The following ZC2HC1B variants were observed in gnomAD, a reference collection of about 807,000 sequenced individuals.
ZC2HC1B encodes the protein zinc finger C2HC domain-containing protein 1B.
Under a neutral mutation model 31.0 loss-of-function variants are expected in ZC2HC1B, and 36 were observed. The observed-to-expected ratio is 1.16, with a 90% CI of 0.89 to 1.54. The LOEUF is 1.54. Ranked by LOEUF, ZC2HC1B falls within the 40% of genes most tolerant of loss-of-function variation. The pLI is 0.00. For missense variants in ZC2HC1B, 260 were observed against 268.6 expected (o/e 0.97, Z 0.22); for synonymous variants, 73 against 88.0 (o/e 0.83, Z 0.95).
Position 143,886,214 on chromosome 6 carries a change from TG to T in ZC2HC1B, c.210+66del. On this transcript the variant is annotated intron_variant, in intron 3 of 7. Coordinates refer to ENST00000237275, the MANE Select transcript of ZC2HC1B (RefSeq NM_001013623.3). The surrounding 1 kb of genome is among the most constrained non-coding windows in gnomAD (Gnocchi z 4.2). ...TCTGCGGTACTGTAAGGCCTATTTC[TG>T]GGATTTCTGGTTTCATTTTTGCTTG... is the stretch of plus-strand genomic sequence containing the variant. The T allele has an allele frequency of 7.3e-7, 1 of 1,371,548 alleles. No individual in the cohort carries two copies. The highest frequency in any genetic ancestry group is 9.4e-7 in the Non-Finnish European group (1 of 1,059,444). The allele number at this position is 1,371,548 out of a possible 1,614,324, so 85.0% of individuals were successfully genotyped here.
At position 143,877,110 on chromosome 6, in the gene ZC2HC1B, C is replaced by G. The variant is rs1380201387; in HGVS notation, c.29-7194C>G. Among the ~76,000 whole-genome samples the G allele has an allele frequency of 2.7e-5, 4 of 149,560 alleles. 1 individual carries two copies. ...CTCTTCCTTGTATTTTCTCCTTTTT[C>G]TCTCTTGAAGTATTATTTGGAGTAG... is the stretch of plus-strand genomic sequence containing the variant. On this transcript the variant is annotated intron_variant, in intron 1 of 7. Transcript: ENST00000237275.
At chr6:143,866,293 C>T (rs1448216929) in intron 1 of ZC2HC1B, among the ~76,000 whole-genome samples, 1 of 152,202 alleles carries the variant, frequency 6.6e-6, no homozygotes, top group Non-Finnish European at 1.5e-5. Context: ...CATAGCTCAG[C>T]CTAGCCTACC....
intron 5 of ZC2HC1B, among the ~76,000 whole-genome samples, chr6:143,898,966 G>T (rs987689517): frequency 2.0e-5 from 3 of 152,164 alleles, no homozygotes; most frequent in African/African-American, 7.2e-5. Flanking sequence ...TAGCATTATG[G>T]CAAAACTCTT....
At chr6:143,881,796 C>T (rs1292055836) in intron 1 of ZC2HC1B, 4 of 152,142 alleles carry the variant, frequency 2.6e-5, no homozygotes, top group Non-Finnish European at 5.9e-5. Flanking sequence ...GTGTTCCCTT[C>T]CTTCCTTATA....
In ZC2HC1B at chr6:143,887,840, A is replaced by G. The variant is rs779514647; in HGVS notation, c.349+1019A>G. Among the ~76,000 whole-genome samples, 10 of 152,036 alleles carry G rather than the reference A, an allele frequency of 6.6e-5. No homozygotes were observed. Among genetic ancestry groups the G allele is most frequent in the Non-Finnish European group, 1.0e-4 (7 of 67,970 alleles). On this transcript the variant is annotated intron_variant, in intron 4 of 7. Coordinates refer to ENST00000237275, the MANE Select transcript of ZC2HC1B (RefSeq NM_001013623.3). This position sits in a 1 kb window ranked among gnomAD's most constrained non-coding sequence, Gnocchi z 5.1. ...ATCAGATACAATACATGATTTGCAA[A>G]TATTGTCTCCAGTTCTGTGGACTGT...
intron 6 of ZC2HC1B, among the ~76,000 whole-genome samples, chr6:143,920,769 G>A (rs915334036): frequency 3.3e-5 from 5 of 151,934 alleles, no homozygotes; most frequent in Non-Finnish European, 5.9e-5. Flanking sequence ...TTAGCCAGGT[G>A]TGGTGGGACG....
intron 6 of ZC2HC1B, among the ~76,000 whole-genome samples, chr6:143,930,359 A>G (rs1252748626): frequency 7.7e-6 from 1 of 129,720 alleles, no homozygotes; most frequent in Non-Finnish European, 1.7e-5. Context: ...ACTTTCATGT[A>G]TTTGTATAGT....
intron 6 of ZC2HC1B, among the ~76,000 whole-genome samples, chr6:143,920,239 T>C (rs1485967179): frequency 1.3e-5 from 2 of 152,198 alleles, no homozygotes; most frequent in African/African-American, 4.8e-5. Context: ...TCTTAAGTTA[T>C]AAGGATTAGA....
chr6:143,917,238 G>A lies in ZC2HC1B; in HGVS notation c.598+14086G>A, dbSNP rs1777930205. Among the ~76,000 whole-genome samples the A allele has an allele frequency of 6.6e-6, 1 of 152,204 alleles. No individual in the cohort carries two copies. Among genetic ancestry groups the A allele is most frequent in the Non-Finnish European group, 1.5e-5 (1 of 68,032 alleles). ...AGACGTGCCTTTCACCTTCCACTGT[G>A]ATTGTTAGGCCTTCCCAGCCACATG... On this transcript the variant is annotated intron_variant, in intron 6 of 7. Transcript: ENST00000237275. This position sits in a 1 kb window ranked among gnomAD's most constrained non-coding sequence, Gnocchi z 4.1.
chr6:143,870,955 A>T lies in ZC2HC1B; in HGVS notation c.28+6388A>T, dbSNP rs1326868809. On this transcript the variant is annotated intron_variant, in intron 1 of 7. Transcript: ENST00000237275. The surrounding 1 kb of genome is among the most constrained non-coding windows in gnomAD (Gnocchi z 4.7). ...AAAACTGGCAGCTTCAGGTCACTTG[A>T]TAAATGGGCCGGATTAACACACCCA... 6.6e-6 allele frequency among the ~76,000 whole-genome samples: 1 copy of T among 152,088 alleles called. No individual in the cohort carries two copies. The highest frequency in any genetic ancestry group is 1.5e-5 in the Non-Finnish European group (1 of 68,030).
intron 1 of ZC2HC1B, among the ~76,000 whole-genome samples, chr6:143,866,498 G>A (rs1478409087): frequency 6.6e-6 from 1 of 152,204 alleles, no homozygotes; most frequent in African/African-American, 2.4e-5. Flanking sequence ...CACCATCATG[G>A]AAAAATTGTT....
chr6:143,900,474 G>T (rs1777724172), intron 5 of ZC2HC1B, among the ~76,000 whole-genome samples: 1 of 152,040 alleles, frequency 6.6e-6, no homozygotes, highest in South Asian at 2.1e-4. Context: ...AACTAGAAGG[G>T]CTTTAACTCA....
chr6:143,906,920 G>A (rs1315551488), intron 6 of ZC2HC1B, among the ~76,000 whole-genome samples: 2 of 152,014 alleles, frequency 1.3e-5, no homozygotes, highest in South Asian at 2.1e-4. Flanking sequence ...TCTTCCTCAT[G>A]CTCTCCCTCC....
rs2128496404 is a variant in ZC2HC1B, at chr6:143,915,699, T to C, written c.598+12547T>C. ...ACTGGATCAAAGGTTCCTCTTGTTA[T>C]GTTTTAGCAAAGAGACTGGTGGCAT... On this transcript the variant is annotated intron_variant, in intron 6 of 7. Transcript: ENST00000237275. The surrounding 1 kb of genome is among the most constrained non-coding windows in gnomAD (Gnocchi z 5.2). 6.6e-6 allele frequency among the ~76,000 whole-genome samples: 1 copy of C among 152,324 alleles called. No homozygotes were observed. Among genetic ancestry groups the C allele is most frequent in the East Asian group, 1.9e-4 (1 of 5,188 alleles).
chr6:143,867,459 T>G lies in ZC2HC1B; in HGVS notation c.28+2892T>G, dbSNP rs537514752. On this transcript the variant is annotated intron_variant, in intron 1 of 7. Transcript: ENST00000237275. ...AGATGTCAGTGAGCAAGGTGATGAG[T>G]GAGTTTTAGGGAACAAGTCACAGTT... Among the ~76,000 whole-genome samples the G allele has an allele frequency of 5.9e-5, 9 of 152,226 alleles. No individual in the cohort carries two copies. In the South Asian group the frequency reaches 8.3e-4, roughly 14 times the overall value.
rs1425850766 is a variant in ZC2HC1B, at chr6:143,924,699, G to C, written c.599-12950G>C. Among the ~76,000 whole-genome samples the C allele has an allele frequency of 1.3e-5, 2 of 152,114 alleles. No homozygotes were observed. Among genetic ancestry groups the C allele is most frequent in the Non-Finnish European group, 2.9e-5 (2 of 68,022 alleles). ...GGCATGTTTCTTCTATGCCTAATTT[G>C]TTAAGAGTTTTAATCATGAAAAGAA... is the stretch of plus-strand genomic sequence containing the variant. On this transcript the variant is annotated intron_variant, in intron 6 of 7. Transcript: ENST00000237275. This position sits in a 1 kb window ranked among gnomAD's most constrained non-coding sequence, Gnocchi z 5.2.
At chr6:143,892,097 C>T (rs1429265603) in intron 4 of ZC2HC1B, among the ~76,000 whole-genome samples, 3 of 152,034 alleles carry the variant, frequency 2.0e-5, no homozygotes, top group Admixed American at 2.0e-4. Context: ...ATACCTGAGG[C>T]TGGGTAATTT....
rs115872635 is a variant in ZC2HC1B at position 143,915,274 on chromosome 6, T to C, written c.598+12122T>C. 5.0e-4 allele frequency among the ~76,000 whole-genome samples: 76 copies of C among 152,342 alleles called. No homozygotes were observed. Among genetic ancestry groups the C allele is most frequent in the African/African-American group, 1.7e-3 (71 of 41,578 alleles). ...TCCCCTGCACAATCTCTGTGGTCTC[T>C]TTGCTGCCATGTGAGATATGCCTTT... On this transcript the variant is annotated intron_variant, in intron 6 of 7. Transcript: ENST00000237275. This position sits in a 1 kb window ranked among gnomAD's most constrained non-coding sequence, Gnocchi z 5.2.
rs534924726 is a variant in ZC2HC1B, at chr6:143,888,860, T to C, written c.349+2039T>C. ...AAACAGAGATAAGTTTACTTCCCCCTTCCCAATTGATATGTCTTTTATTTC... is the reference window on the plus strand; with the variant it reads ...AAACAGAGATAAGTTTACTTCCCCCCTCCCAATTGATATGTCTTTTATTTC... On this transcript the variant is annotated intron_variant, in intron 4 of 7. Transcript: ENST00000237275. Among the ~76,000 whole-genome samples the C allele has an allele frequency of 2.8e-4, 43 of 152,128 alleles. 1 individual carries two copies. Among genetic ancestry groups the C allele is most frequent in the Admixed American group, 2.8e-3 (43 of 15,278 alleles).
Sources: gnomAD v4.1 joint callset for allele counts (sites outside exome capture counted in the v4.1 genomes callset) on GRCh38, gnomAD v4.1.1 for gene constraint, Gnocchi (gnomAD v3.1) non-coding constraint, MANE v1.5 for transcripts, NCBI Gene and HGNC (gene_info 2026-07-23, HGNC 2026-07-21) for gene names.